Variants in SNTG2 observed in about 807,000 individuals in gnomAD.
SNTG2 encodes the protein syntrophin gamma 2.
A neutral mutation model predicts 70.9 loss-of-function variants in SNTG2; 74 were observed. That is an observed-to-expected ratio of 1.04 (90% confidence interval 0.86 to 1.27). The LOEUF is 1.27. Ranked by LOEUF, SNTG2 falls within the 50% of genes most tolerant of loss-of-function variation. SNTG2 has a pLI of 0.00. For missense variants in SNTG2, 717 were observed against 690.7 expected, an observed-to-expected ratio of 1.04 and a Z score of -0.43; for synonymous variants, 278 against 273.8, an observed-to-expected ratio of 1.02 and a Z score of -0.15.
intron 11 of SNTG2, among the ~76,000 whole-genome samples, chr2:1,244,568 C>T (rs1478011402): frequency 9.2e-5 from 14 of 151,594 alleles, no homozygotes; most frequent in African/African-American, 2.7e-4. Context: ...TGGTGGCGGG[C>T]GCCTCTGGTC....
intron 9 of SNTG2, among the ~76,000 whole-genome samples, chr2:1,232,008 T>C (rs1676285447): frequency 6.6e-6 from 1 of 152,160 alleles, no homozygotes; most frequent in African/African-American, 2.4e-5. Context: ...TTCCCATCCA[T>C]AGGGAGGCCT....
intron 16 of SNTG2, among the ~76,000 whole-genome samples, chr2:1,326,173 T>C (rs1488162566): frequency 1.3e-5 from 2 of 152,180 alleles, no homozygotes; most frequent in Non-Finnish European, 2.9e-5. Flanking sequence ...ACAATTTTGG[T>C]ACATATATTT....
intron 1 of SNTG2, among the ~76,000 whole-genome samples, chr2:1,066,090 C>A (rs1663130536): frequency 6.6e-6 from 1 of 152,098 alleles, no homozygotes; most frequent in Non-Finnish European, 1.5e-5. Flanking sequence ...TTTTATTAAT[C>A]AAAATAGGAG....
intron 1 of SNTG2, among the ~76,000 whole-genome samples, chr2:1,081,303 C>T (rs1664278450): frequency 6.6e-6 from 1 of 152,208 alleles, no homozygotes; most frequent in South Asian, 2.1e-4. Flanking sequence ...GGTGAGATAT[C>T]CTCACAGGTG....
intron 2 of SNTG2, among the ~76,000 whole-genome samples, chr2:1,094,128 A>G (rs1383755084): frequency 8.1e-6 from 1 of 123,154 alleles, no homozygotes; most frequent in Non-Finnish European, 1.7e-5. Flanking sequence ...TTGCAGGCGA[A>G]GGCCTTATAG....
chr2:1,083,797 G>T, intron 2 of SNTG2, 142 bp downstream of exon 2: 1 of 915,784 alleles, frequency 1.1e-6, no homozygotes. Flanking sequence ...GGCTTTCACT[G>T]TGTCACAAAA....
At chr2:1,293,282 A>C (rs1680064929) in intron 14 of SNTG2, among the ~76,000 whole-genome samples, 1 of 151,698 alleles carries the variant, frequency 6.6e-6, no homozygotes, top group Non-Finnish European at 1.5e-5. Context: ...TTGCCATTTT[A>C]AAAAATATTT....
intron 16 of SNTG2, 124 bp downstream of exon 16, chr2:1,316,499 C>T (rs1681285362): frequency 8.1e-6 from 2 of 246,768 alleles, no homozygotes; most frequent in Non-Finnish European, 1.5e-5. Flanking sequence ...GGTCCTGAAG[C>T]ACGAGTCCTT....
rs536585236 is a variant in SNTG2 at position 1,128,683 on chromosome 2, T to C, written c.326-8939T>C. Among the ~76,000 whole-genome samples the C allele has an allele frequency of 1.5e-3, 233 of 152,086 alleles. 2 individuals carry two copies. The highest frequency in any genetic ancestry group is 5.5e-3 in the African/African-American group (229 of 41,530). ...CAATATTGTTTATATACTGCCATGA[T>C]ATGGTGGAGGGTGAAAACTGTGTTA... is the stretch of plus-strand genomic sequence containing the variant. On this transcript the variant is annotated intron_variant, in intron 4 of 16. Transcript: ENST00000308624.
rs115836238 is a variant in SNTG2, at chr2:1,038,469, C to T, written c.73-45049C>T. Among the ~76,000 whole-genome samples, 609 of 152,302 alleles carry T rather than the reference C, an allele frequency of 4.0e-3. 5 individuals are homozygous for T. Among genetic ancestry groups the T allele is most frequent in the African/African-American group, 0.014 (567 of 41,558 alleles). ...TTGTGTCATGGACCCGAGGAAGCTC[C>T]GCCTTCCTTGAAGTCATAGCCCCTC... is the stretch of plus-strand genomic sequence containing the variant. On this transcript the variant is annotated intron_variant, in intron 1 of 16. Transcript: ENST00000308624.
rs959279761 is a variant in SNTG2, at chr2:1,097,588, C to T, written c.211-608C>T. 2.0e-5 allele frequency among the ~76,000 whole-genome samples: 3 copies of T among 152,080 alleles called. No individual in the cohort carries two copies. The highest frequency in any genetic ancestry group is 4.8e-5 in the African/African-American group (2 of 41,408). On this transcript the variant is annotated intron_variant, in intron 2 of 16. Transcript: ENST00000308624. This position sits in a 1 kb window ranked among gnomAD's most constrained non-coding sequence, Gnocchi z 4.1. Reference sequence around the variant, plus strand: ...CAAAACATAGGTGCATGGCTTAATGCGCAAGAGATTTGGAGATTTTTTACC... The same window carrying T: ...CAAAACATAGGTGCATGGCTTAATGTGCAAGAGATTTGGAGATTTTTTACC...
intron 16 of SNTG2, among the ~76,000 whole-genome samples, chr2:1,348,242 G>T (rs1272883586): frequency 6.6e-6 from 1 of 152,060 alleles, no homozygotes; most frequent in African/African-American, 2.4e-5. Context: ...AAATTCTAAA[G>T]CCCCCCAGCC....
In SNTG2 at chr2:988,165, C is replaced by T. The variant is rs114658763; in HGVS notation, c.72+37097C>T. Among the ~76,000 whole-genome samples, 1,256 of 152,342 alleles carry T rather than the reference C, an allele frequency of 8.2e-3. 26 individuals carry two copies. The highest frequency in any genetic ancestry group is 0.028 in the African/African-American group (1,175 of 41,590). ...GAGAGGAAACAAGGCTTTCTTGGGA[C>T]ATCATCAAGAGGTCACACCAAAGAC... On this transcript the variant is annotated intron_variant, in intron 1 of 16. Coordinates refer to ENST00000308624, the MANE Select transcript of SNTG2 (RefSeq NM_018968.4).
chr2:1,267,306 C>G, intron 13 of SNTG2, 59 bp from the exon 14 acceptor site: 1 of 1,491,948 alleles, frequency 6.7e-7, no homozygotes, highest in South Asian at 1.2e-5. Flanking sequence ...CACCAGGGCC[C>G]TCAGCATGGG....
intron 9 of SNTG2, among the ~76,000 whole-genome samples, chr2:1,229,516 C>G (rs1055687535): frequency 6.6e-6 from 1 of 152,268 alleles, no homozygotes; most frequent in Non-Finnish European, 1.5e-5. Flanking sequence ...CCACCAGACT[C>G]AGGAGCCCAG....
Position 1,178,007 on chromosome 2 carries a change from A to T in SNTG2, c.591+4824A>T, listed in dbSNP as rs533181806. Among the ~76,000 whole-genome samples the T allele has an allele frequency of 1.4e-4, 22 of 152,304 alleles. No individual in the cohort carries two copies. In the South Asian group the frequency reaches 4.6e-3, roughly 32 times the overall value. On this transcript the variant is annotated intron_variant, in intron 8 of 16. Coordinates refer to ENST00000308624, the MANE Select transcript of SNTG2 (RefSeq NM_018968.4). ...GTTGTTGTTCTTTAAAATATTTTTA[A>T]TTATATGATAAACACTTCTGGCATG...
At chr2:1,251,453 T>TACACACACC (rs1257074862) in intron 12 of SNTG2, among the ~76,000 whole-genome samples, 1 of 114,266 alleles carries the variant, frequency 8.8e-6, no homozygotes, top group Non-Finnish European at 1.8e-5. Context: ...CACCACACAC[T>TACACACACC]ACACACACCA....
intron 1 of SNTG2, among the ~76,000 whole-genome samples, chr2:1,025,326 C>T (rs1660418032): frequency 6.6e-6 from 1 of 152,144 alleles, no homozygotes; most frequent in Non-Finnish European, 1.5e-5. Flanking sequence ...GGAATCCAGG[C>T]AGGGCAGCCA....
intron 8 of SNTG2, among the ~76,000 whole-genome samples, chr2:1,186,287 C>G (rs940041656): frequency 2.0e-5 from 3 of 152,216 alleles, no homozygotes; most frequent in African/African-American, 7.2e-5. Flanking sequence ...TAGCAAGTCT[C>G]TAGGAAGTTT....
Sources: allele counts gnomAD v4.1 joint callset (sites outside exome capture counted in the v4.1 genomes callset), GRCh38; gene constraint gnomAD v4.1.1; non-coding constraint Gnocchi (gnomAD v3.1); transcripts MANE v1.5; gene names NCBI Gene and HGNC (gene_info 2026-07-23, HGNC 2026-07-21).